The following RUFY3 variants were observed in gnomAD, a reference collection of about 807,000 sequenced individuals.
The protein encoded by RUFY3 is RUN and FYVE domain containing 3, also known as protein RUFY3.
Under a neutral mutation model 84.0 loss-of-function variants are expected in RUFY3, and 34 were observed. The ratio of observed to expected loss-of-function variants is 0.40; its 90% CI spans 0.31 to 0.54. The LOEUF is 0.54. Among genes scored for constraint, RUFY3 ranks in the 20% least tolerant of loss-of-function variants. The probability of loss-of-function intolerance (pLI) is 0.39; values close to 1 mark genes in which losing one functional copy is unlikely to be tolerated. For missense variants in RUFY3, 507 were observed against 736.8 expected (o/e 0.69, Z 3.61); for synonymous variants, 242 against 252.9 (o/e 0.96, Z 0.41).
chr4:70,746,319 G>C (rs1302236709), intron 1 of RUFY3, among the ~76,000 whole-genome samples: 2 of 151,202 alleles, frequency 1.3e-5, no homozygotes, highest in African/African-American at 4.9e-5. Context: ...ACTCAAGCCT[G>C]GTTGACAGAG....
At chr4:70,729,690 T>C (rs1390768372) in intron 1 of RUFY3, among the ~76,000 whole-genome samples, 2 of 152,232 alleles carry the variant, frequency 1.3e-5, no homozygotes, top group East Asian at 3.8e-4. Context: ...AAGCAGTAGC[T>C]GAAGCCACAG....
chr4:70,705,020 G>A, exon 1 of RUFY3: 7 of 1,224,504 alleles, frequency 5.7e-6, no homozygotes, highest in Non-Finnish European at 7.1e-6. Context: ...GGCGGCCGGA[G>A]GAGCCGCGCC....
At chr4:70,754,119 C>G in intron 1 of RUFY3, among the ~76,000 whole-genome samples, 1 of 151,410 alleles carries the variant, frequency 6.6e-6, no homozygotes. Flanking sequence ...ATGGCACAAT[C>G]TTGGCTCACT....
intron 4 of RUFY3, 24 bp downstream of exon 4, chr4:70,764,600 C>A: frequency 7.3e-7 from 1 of 1,374,564 alleles, no homozygotes; most frequent in Non-Finnish European, 1.0e-6. Context: ...CTTGAACTTT[C>A]TTCTTTCCTT....
At chr4:70,706,105 A>C (rs1193225445) in intron 1 of RUFY3, among the ~76,000 whole-genome samples, 2 of 152,148 alleles carry the variant, frequency 1.3e-5, no homozygotes, top group Non-Finnish European at 2.9e-5. Flanking sequence ...AGGGCCCTAG[A>C]GTCGTCAATG....
At chr4:70,727,545 G>A (rs1422616227) in intron 1 of RUFY3, among the ~76,000 whole-genome samples, 2 of 151,024 alleles carry the variant, frequency 1.3e-5, no homozygotes, top group East Asian at 3.9e-4. Flanking sequence ...TAGTAGAGAC[G>A]GGGTTTCACC....
intron 1 of RUFY3, among the ~76,000 whole-genome samples, chr4:70,732,129 C>T (rs150578885): frequency 3.0e-4 from 45 of 152,282 alleles, no homozygotes; most frequent in African/African-American, 1.1e-3. Flanking sequence ...GTAATGGACC[C>T]CTGACTCCCT....
intron 14 of RUFY3, among the ~76,000 whole-genome samples, chr4:70,797,824 C>T (rs1362383076): frequency 6.6e-6 from 1 of 151,406 alleles, no homozygotes; most frequent in Non-Finnish European, 1.5e-5. Context: ...GCCTGGGTGA[C>T]AGATCAAGAC....
chr4:70,787,782 A>C (rs1238367103), intron 10 of RUFY3, among the ~76,000 whole-genome samples: 1 of 152,180 alleles, frequency 6.6e-6, no homozygotes, highest in Non-Finnish European at 1.5e-5. Flanking sequence ...GCACATAATA[A>C]AAATCTTAAA....
rs559262528 is a variant in RUFY3 at position 70,740,178 on chromosome 4, TAGTAAAGTCCTG to T, written c.178+17430_178+17441del. 1.9e-3 allele frequency among the ~76,000 whole-genome samples: 293 copies of T among 152,272 alleles called. 1 individual carries two copies. The highest frequency in any genetic ancestry group is 6.2e-3 in the African/African-American group (256 of 41,562). ...TAAAAGAATGGCATGTTACCTATTG[TAGTAAAGTCCTG>T]AGCATGCCAAGGTAAAGTGGAGAAC... On this transcript the variant is annotated intron_variant, in intron 1 of 17. Coordinates refer to ENST00000381006, the MANE Select transcript of RUFY3 (RefSeq NM_001037442.4).
At position 70,794,747 on chromosome 4, in the gene RUFY3, T is replaced by A. The variant is rs377747370; in HGVS notation, c.1458-48T>A. 2.4e-4 allele frequency: 287 copies of A among 1,205,604 alleles called. No individual in the cohort carries two copies. In the Middle Eastern group the frequency reaches 4.4e-3, roughly 19 times the overall value. The allele number at this position is 1,205,604 out of a possible 1,614,324, so 74.7% of individuals were successfully genotyped here. ...GTTGGCATTCTTTAGAGAATATGTC[T>A]GTATAGAATTCCAATTTTTCATCCT... On this transcript the variant is annotated intron_variant, in intron 13 of 17. Transcript: ENST00000381006.
At chr4:70,734,688 T>A in intron 1 of RUFY3, 2 of 401,576 alleles carry the variant, frequency 5.0e-6, no homozygotes, top group Non-Finnish European at 6.7e-6. Flanking sequence ...AGTTCCTATC[T>A]AAACCACGAA....
intron 5 of RUFY3, 22 bp downstream of exon 5, chr4:70,768,683 C>T: frequency 6.2e-7 from 1 of 1,610,804 alleles, no homozygotes; most frequent in Non-Finnish European, 8.5e-7. Flanking sequence ...AGACTCATTC[C>T]CATGGGTGTC....
intron 1 of RUFY3, among the ~76,000 whole-genome samples, chr4:70,756,302 C>G (rs1724014358): frequency 1.3e-5 from 2 of 152,172 alleles, no homozygotes; most frequent in South Asian, 4.1e-4. Context: ...TGCCCCTCAG[C>G]TTTGAGTTCA....
chr4:70,735,595 T>G (rs1311716552), intron 1 of RUFY3, among the ~76,000 whole-genome samples: 1 of 151,974 alleles, frequency 6.6e-6, no homozygotes, highest in Non-Finnish European at 1.5e-5. Flanking sequence ...AATCCCAACA[T>G]TTTGGGAGGC....
chr4:70,775,044 G>T, intron 6 of RUFY3, 124 bp from the exon 7 acceptor site: 5 of 569,110 alleles, frequency 8.8e-6, no homozygotes, highest in Non-Finnish European at 1.6e-5. Context: ...CTGTCTTATG[G>T]TTCAGTGTAT....
chr4:70,800,325 GC>G, intron 15 of RUFY3, 120 bp downstream of exon 15: 1 of 677,296 alleles, frequency 1.5e-6, no homozygotes, highest in Non-Finnish European at 2.4e-6. Context: ...ATATTAATAT[GC>G]CAGGAAGACA....
intron 12 of RUFY3, chr4:70,791,874 A>G (rs1340207563): frequency 6.1e-6 from 6 of 985,782 alleles, no homozygotes; most frequent in Admixed American, 6.1e-5. Flanking sequence ...TCAGTAACCA[A>G]GATTGCTTGC....
chr4:70,748,158 G>C (rs1722530577), intron 1 of RUFY3, among the ~76,000 whole-genome samples: 1 of 152,118 alleles, frequency 6.6e-6, no homozygotes, highest in Non-Finnish European at 1.5e-5. Context: ...TTTTAGGCAC[G>C]CTGATTCTCT....
Sources: gnomAD v4.1 joint callset for allele counts (sites outside exome capture counted in the v4.1 genomes callset) on GRCh38, gnomAD v4.1.1 for gene constraint, MANE v1.5 for transcripts, NCBI Gene and HGNC (gene_info 2026-07-23, HGNC 2026-07-21) for gene names.